DCC: variants seen among roughly 807,000 people sequenced by gnomAD.
DCC encodes netrin receptor DCC.
A neutral mutation model predicts 172.5 loss-of-function variants in DCC; 58 were observed. That is an observed-to-expected ratio of 0.34 (90% CI 0.27 to 0.42). The LOEUF is 0.42. Among genes scored for constraint, DCC ranks in the 10% least tolerant of loss-of-function variants. The pLI is 1.00. For synonymous variants in DCC, 709 were observed against 644.5 expected (o/e 1.10, Z -1.52); for missense variants, 1,740 against 1,791.0 (o/e 0.97, Z 0.51).
chr18:53,489,098 A>C (rs1021043918), intron 26 of DCC, among the ~76,000 whole-genome samples: 1 of 152,142 alleles, frequency 6.6e-6, no homozygotes, highest in South Asian at 2.1e-4. Flanking sequence ...TGATTAAAAT[A>C]TTTATTCTCT....
chr18:52,602,283 T>C (rs1364814517), intron 1 of DCC, among the ~76,000 whole-genome samples: 2 of 152,048 alleles, frequency 1.3e-5, no homozygotes, highest in Non-Finnish European at 2.9e-5. Flanking sequence ...AATGAGGCAT[T>C]CTCGTAAATA....
chr18:53,452,890 GGTTT>G (rs10553364), intron 23 of DCC, among the ~76,000 whole-genome samples: 21,672 of 150,186 alleles, frequency 0.14, 2,373 homozygotes, highest in African/African-American at 0.31. Context: ...AGTTTAGTGG[GGTTT>G]GTTTGTTTGT....
chr18:52,982,524 A>G lies in DCC; in HGVS notation c.985+57154A>G, dbSNP rs559642592. 3.3e-5 allele frequency among the ~76,000 whole-genome samples: 5 copies of G among 152,224 alleles called. No individual in the cohort carries two copies. The South Asian group carries it at 8.3e-4, about 25-fold the overall frequency. Reference sequence around the variant, plus strand: ...GGCAGCATTTCTCAGACTCAGCAATAGTAACATTTGGGCCTGGATAATTCT... The same window carrying G: ...GGCAGCATTTCTCAGACTCAGCAATGGTAACATTTGGGCCTGGATAATTCT... On this transcript the variant is annotated intron_variant, in intron 5 of 28. Transcript: ENST00000442544.
chr18:53,113,604 A>G (rs900449200), intron 7 of DCC, among the ~76,000 whole-genome samples: 11 of 151,508 alleles, frequency 7.3e-5, no homozygotes, highest in African/African-American at 2.7e-4. Context: ...ACATGGAAAT[A>G]AAAGTTGACC....
intron 2 of DCC, among the ~76,000 whole-genome samples, chr18:52,771,162 C>A (rs1360403274): frequency 6.6e-6 from 1 of 152,150 alleles, no homozygotes; most frequent in Non-Finnish European, 1.5e-5. Context: ...CCTGGGATGG[C>A]CCAGCATTAG....
At chr18:52,935,473 T>C (rs1487312587) in intron 5 of DCC, among the ~76,000 whole-genome samples, 5 of 152,146 alleles carry the variant, frequency 3.3e-5, no homozygotes, top group Non-Finnish European at 5.9e-5. Flanking sequence ...AACAAGCATG[T>C]ATATCTTCAC....
chr18:52,662,638 AAAG>A (rs1337580965), intron 1 of DCC, among the ~76,000 whole-genome samples: 1 of 151,292 alleles, frequency 6.6e-6, no homozygotes, highest in African/African-American at 2.4e-5. Context: ...AAAGAAGCGA[AAAG>A]AAGAAAACAA....
intron 5 of DCC, among the ~76,000 whole-genome samples, chr18:53,045,557 T>G (rs1180074798): frequency 2.0e-5 from 3 of 151,844 alleles, no homozygotes; most frequent in African/African-American, 4.8e-5. Flanking sequence ...CACATACATA[T>G]GCTGCATATG....
chr18:52,539,286 G>A (rs1341630087), intron 1 of DCC, among the ~76,000 whole-genome samples: 2 of 152,054 alleles, frequency 1.3e-5, no homozygotes, highest in African/African-American at 4.8e-5. Context: ...CAAGATCTAA[G>A]AGGGAGTTCA....
At chr18:52,896,029 C>T (rs541315300) in intron 2 of DCC, among the ~76,000 whole-genome samples, 2 of 152,268 alleles carry the variant, frequency 1.3e-5, no homozygotes, top group East Asian at 3.9e-4. Context: ...AGGTGATTCG[C>T]CTGCTTAGGC....
intron 12 of DCC, among the ~76,000 whole-genome samples, chr18:53,262,652 C>A (rs901366906): frequency 2.0e-5 from 3 of 152,142 alleles, no homozygotes; most frequent in African/African-American, 7.2e-5. Context: ...CTGTTAAATT[C>A]TGAAGGATAA....
At chr18:52,360,515 A>T (rs1984571989) in intron 1 of DCC, among the ~76,000 whole-genome samples, 1 of 152,258 alleles carries the variant, frequency 6.6e-6, no homozygotes, top group Non-Finnish European at 1.5e-5. Flanking sequence ...TCATTAAAAT[A>T]GGAGACGGTA....
chr18:53,501,608 C>A (rs2046099932), intron 27 of DCC, among the ~76,000 whole-genome samples: 1 of 152,110 alleles, frequency 6.6e-6, no homozygotes, highest in Non-Finnish European at 1.5e-5. Flanking sequence ...AATTTGGTAG[C>A]AACAAAAAGT....
chr18:53,258,122 T>C (rs1444088024), intron 12 of DCC, among the ~76,000 whole-genome samples: 1 of 152,074 alleles, frequency 6.6e-6, no homozygotes, highest in African/African-American at 2.4e-5. Flanking sequence ...ATTAGTCTTG[T>C]TAGCGGTCTG....
intron 5 of DCC, among the ~76,000 whole-genome samples, chr18:53,029,396 T>C (rs1429458870): frequency 6.6e-6 from 1 of 152,198 alleles, no homozygotes; most frequent in East Asian, 1.9e-4. Context: ...ATGTTTATTA[T>C]TTGCCTATCA....
At chr18:52,481,702 C>T (rs1193093631) in intron 1 of DCC, among the ~76,000 whole-genome samples, 1 of 152,080 alleles carries the variant, frequency 6.6e-6, no homozygotes, top group African/African-American at 2.4e-5. Flanking sequence ...GGAACTCTAA[C>T]AGTGACGACT....
chr18:53,099,926 T>G (rs1396245983), intron 7 of DCC, among the ~76,000 whole-genome samples: 1 of 136,864 alleles, frequency 7.3e-6, no homozygotes, highest in African/African-American at 3.0e-5. Context: ...GAGACTTTTC[T>G]TTTCTTTTCT....
intron 19 of DCC, 123 bp downstream of exon 19, chr18:53,403,016 A>G (rs775234205): frequency 2.6e-5 from 19 of 744,252 alleles, no homozygotes; most frequent in Admixed American, 5.6e-5. Flanking sequence ...AGCTGACTCC[A>G]TGACCCTTTT....
chr18:52,957,203 G>T (rs989296754), intron 5 of DCC, among the ~76,000 whole-genome samples: 6 of 152,042 alleles, frequency 3.9e-5, no homozygotes, highest in Non-Finnish European at 7.4e-5. Context: ...GATCTTTATG[G>T]AACCTTAATG....
Sources: allele counts gnomAD v4.1 joint callset (sites outside exome capture counted in the v4.1 genomes callset), GRCh38; gene constraint gnomAD v4.1.1; transcripts MANE v1.5; gene names NCBI Gene and HGNC (gene_info 2026-07-23, HGNC 2026-07-21).